ANK1: variants seen among roughly 807,000 people sequenced by gnomAD.
The protein encoded by ANK1 is ankyrin-1.
Under a neutral mutation model 210.4 loss-of-function variants are expected in ANK1, and 51 were observed. The ratio of observed to expected loss-of-function variants is 0.24; its 90% CI spans 0.19 to 0.31. The LOEUF (loss-of-function observed/expected upper bound fraction) is 0.31, where lower values mean the gene tolerates loss of function less well. Among genes scored for constraint, ANK1 ranks in the 10% least tolerant of loss-of-function variants. The pLI is 1.00. For synonymous variants in ANK1, 967 were observed against 1,025.9 expected (o/e 0.94, Z 1.10); for missense variants, 2,051 against 2,504.4 (o/e 0.82, Z 3.86).
Position 41,684,774 on chromosome 8 carries a change from G to A in ANK1, c.4391-84C>T, listed in dbSNP as rs572649755. The A allele has an allele frequency of 8.5e-6, 13 of 1,523,818 alleles. No individual in the cohort carries two copies. In the African/African-American group the frequency reaches 1.1e-4, roughly 13 times the overall value. The allele number at this position is 1,523,818 out of a possible 1,614,324, so 94.4% of individuals were successfully genotyped here. On this transcript the variant is annotated intron_variant, in intron 36 of 42. Transcript: ENST00000289734. ...GCTCAGAAAATGGGGCCAGGATGAA[G>A]ATGGAGAAAGGAGATAATTTTTTTC...
intron 2 of ANK1, among the ~76,000 whole-genome samples, chr8:41,754,466 T>C (rs1838578318): frequency 6.6e-6 from 1 of 152,208 alleles, no homozygotes; most frequent in South Asian, 2.1e-4. Flanking sequence ...TTAGAGTAAT[T>C]ACTTCCTATT....
intron 1 of ANK1, among the ~76,000 whole-genome samples, chr8:41,820,533 C>G (rs1432292744): frequency 6.6e-6 from 1 of 152,044 alleles, no homozygotes; most frequent in East Asian, 1.9e-4. Context: ...AGGCACAGAT[C>G]CAGGAGCCTA....
chr8:41,693,004 C>T, intron 30 of ANK1, 101 bp downstream of exon 30: 1 of 1,515,096 alleles, frequency 6.6e-7, no homozygotes, highest in Admixed American at 1.7e-5. Flanking sequence ...GAGGCTTCCA[C>T]ATGGAGGGGA....
intron 24 of ANK1, among the ~76,000 whole-genome samples, chr8:41,696,997 T>C (rs1413049549): frequency 6.6e-6 from 1 of 152,144 alleles, no homozygotes; most frequent in Non-Finnish European, 1.5e-5. Context: ...CTCAAGACCC[T>C]GGGACAGAGC....
chr8:41,772,898 G>C (rs1238364511), intron 1 of ANK1, among the ~76,000 whole-genome samples: 1 of 152,146 alleles, frequency 6.6e-6, no homozygotes, highest in Non-Finnish European at 1.5e-5. Context: ...AGAAAGGCAG[G>C]CTGGTTTATC....
chr8:41,722,538 T>C (rs1196228008), intron 9 of ANK1, among the ~76,000 whole-genome samples: 1 of 152,204 alleles, frequency 6.6e-6, no homozygotes. Flanking sequence ...CCTTGAAGAC[T>C]CGAGTCCTTA....
chr8:41,760,993 T>TG (rs1840273106), intron 1 of ANK1, among the ~76,000 whole-genome samples: 1 of 151,654 alleles, frequency 6.6e-6, no homozygotes, highest in African/African-American at 2.4e-5. Context: ...TGACCTTATT[T>TG]GAAAAAAAAG....
rs755323122 is a variant in ANK1, at chr8:41,672,849, G to A, written c.4601C>T (p.Pro1534Leu). ...ATTCCAGTACTGGTCTGCACGTAGC[G>A]GAGAGGAAAGTGCACAGCCCAGGGA... is the stretch of plus-strand genomic sequence containing the variant. ...PASLGCALSS[P>L]LRADQYWNEV... Residue 1534 changes from proline to leucine, a missense_variant, in exon 38 of 43, where the codon CCG becomes CTG. Pro to Leu is a moderately conservative substitution (Grantham distance 98, BLOSUM62 -3). Around this residue, in one of 6 missense-constraint regions of ANK1, gnomAD observed 496 missense variants for 533.4 expected, o/e 0.93. Transcript: ENST00000289734. The A allele has an allele frequency of 1.6e-5, 25 of 1,611,124 alleles. No homozygotes were observed. Among genetic ancestry groups the A allele is most frequent in the Admixed American group, 1.0e-4 (6 of 59,988 alleles).
intron 21 of ANK1, 133 bp downstream of exon 21, chr8:41,701,919 A>G: frequency 1.1e-6 from 1 of 936,634 alleles, no homozygotes; most frequent in Non-Finnish European, 1.7e-6. Flanking sequence ...ACAAGCTCCC[A>G]CCCGTCGGGC....
Position 41,701,610 on chromosome 8 carries a change from T to C in ANK1, c.2401A>G (p.Lys801Glu), listed in dbSNP as rs760610786. The C allele has an allele frequency of 2.5e-6, 4 of 1,614,110 alleles. No homozygotes were observed. The Admixed American group carries it at 6.7e-5, about 27-fold the overall frequency. The change falls in exon 22 of 43, where the codon AAG becomes GAG. Residue 801 changes from lysine to glutamate, a missense_variant. Physicochemically the swap from Lys to Glu is moderately conservative, Grantham distance 56. Coordinates refer to ENST00000289734, the MANE Select transcript of ANK1 (RefSeq NM_000037.4). The part of the protein sequence containing the change: ...DETSFVLVSD[K>E]HRMSFPETVD... Reference sequence around the variant, plus strand: ...GTCTCAGGGAAACTCATTCGATGCTTATCACTGACTAACTAAAACGAGAAA... The same window carrying C: ...GTCTCAGGGAAACTCATTCGATGCTCATCACTGACTAACTAAAACGAGAAA...
chr8:41,835,866 C>T (rs1807587034), intron 1 of ANK1, among the ~76,000 whole-genome samples: 2 of 152,346 alleles, frequency 1.3e-5, no homozygotes, highest in South Asian at 2.1e-4. Context: ...CACATTGTCA[C>T]GGAGAAGCCT....
intron 1 of ANK1, among the ~76,000 whole-genome samples, chr8:41,851,621 C>T (rs187479966): frequency 7.3e-4 from 111 of 152,314 alleles, no homozygotes; most frequent in African/African-American, 2.0e-3. Context: ...GAGGCTAAGA[C>T]GGGAGGATTG....
intron 1 of ANK1, among the ~76,000 whole-genome samples, chr8:41,835,041 C>T (rs1272410176): frequency 6.6e-6 from 1 of 152,268 alleles, no homozygotes; most frequent in Non-Finnish European, 1.5e-5. Context: ...AACTCACTGT[C>T]TGATTTGAAG....
chr8:41,882,960 G>A (rs566793768), intron 1 of ANK1, among the ~76,000 whole-genome samples: 2 of 152,310 alleles, frequency 1.3e-5, no homozygotes, highest in African/African-American at 2.4e-5. Flanking sequence ...CCTGAGGCAG[G>A]TGCTCTCCGC....
intron 20 of ANK1, among the ~76,000 whole-genome samples, chr8:41,703,653 A>C (rs1440881653): frequency 2.0e-5 from 3 of 150,696 alleles, no homozygotes; most frequent in Non-Finnish European, 4.4e-5. Flanking sequence ...CACCCACATA[A>C]TTAAAAAAAT....
At chr8:41,815,629 C>T (rs1304216690) in intron 1 of ANK1, among the ~76,000 whole-genome samples, 1 of 152,114 alleles carries the variant, frequency 6.6e-6, no homozygotes, top group Non-Finnish European at 1.5e-5. Context: ...AACTTACTTT[C>T]CTTGTATACT....
At chr8:41,711,128 T>G (rs1203525352) in intron 16 of ANK1, among the ~76,000 whole-genome samples, 1 of 152,182 alleles carries the variant, frequency 6.6e-6, no homozygotes, top group Non-Finnish European at 1.5e-5. Flanking sequence ...TGCACTGTAT[T>G]AAAAGAGAGC....
chr8:41,673,057 C>T, intron 37 of ANK1, 145 bp from the exon 38 acceptor site: 1 of 892,478 alleles, frequency 1.1e-6, no homozygotes, highest in Non-Finnish European at 1.7e-6. Flanking sequence ...TGGGGGCTTT[C>T]CAAGCTCCAG....
Position 41,710,113 on chromosome 8 carries a change from C to T in ANK1, c.1801-1138G>A, listed in dbSNP as rs186229017. On this transcript the variant is annotated intron_variant, in intron 16 of 42. Coordinates refer to ENST00000289734, the MANE Select transcript of ANK1 (RefSeq NM_000037.4). The stretch of plus-strand genomic sequence containing the variant: ...TTATTATTATTGATAGCAAGACTGT[C>T]TCAGTGAAGGAAGCAGCGCATGGGT... Among the ~76,000 whole-genome samples, 1,010 of 147,482 alleles carry T rather than the reference C, an allele frequency of 6.8e-3. 11 individuals are homozygous for T. Among genetic ancestry groups the T allele is most frequent in the Middle Eastern group, 0.032 (9 of 284 alleles).
Sources: allele counts gnomAD v4.1 joint callset (sites outside exome capture counted in the v4.1 genomes callset), GRCh38; gene constraint gnomAD v4.1.1; regional missense constraint gnomAD v4.1.1; transcripts MANE v1.5; gene names NCBI Gene and HGNC (gene_info 2026-07-23, HGNC 2026-07-21).